CLTC: variants seen among roughly 807,000 people sequenced by gnomAD.
CLTC encodes clathrin heavy chain 1.
A neutral mutation model predicts 195.8 loss-of-function variants in CLTC; 16 were observed. The ratio of observed to expected loss-of-function variants is 0.08; its 90% CI spans 0.06 to 0.12. The LOEUF is 0.12. Among genes scored for constraint, CLTC ranks in the 10% least tolerant of loss-of-function variants. The probability of loss-of-function intolerance (pLI) is 1.00; values close to 1 mark genes in which losing one functional copy is unlikely to be tolerated. For missense variants in CLTC, 796 were observed against 2,027.0 expected (o/e 0.39, Z 11.66); for synonymous variants, 667 against 689.4 (o/e 0.97, Z 0.51).
At position 59,695,842 on chromosome 17, in the gene CLTC, AAAT is replaced by A. The variant is rs10538688; in HGVS notation, c.*1998_*2000del. ...GCAAATATCAACACAGAGAAAAAAA[AAAT>A]AATAATAGTATTATGAAAACATTGA... On this transcript the variant is annotated 3_prime_UTR_variant, in exon 32 of 32. Transcript: ENST00000269122. 0.81 allele frequency: 148,405 copies of A among 182,190 alleles called. 60,508 individuals carry two copies. Among genetic ancestry groups the A allele is most frequent in the South Asian group, 0.93 (4,703 of 5,052 alleles). 11.3% of individuals were successfully genotyped at this position (182,190 alleles called of 1,614,324 possible). A position where few individuals can be genotyped will look rare whatever the true frequency, so the allele number is the denominator to read the frequency against.
At chr17:59,625,388 G>A (rs1434227689) in intron 1 of CLTC, among the ~76,000 whole-genome samples, 1 of 152,086 alleles carries the variant, frequency 6.6e-6, no homozygotes, top group Non-Finnish European at 1.5e-5. Context: ...GCCTCCCGAA[G>A]TGTTAGGATT....
intron 1 of CLTC, among the ~76,000 whole-genome samples, chr17:59,631,050 AT>A (rs2031699716): frequency 6.6e-6 from 1 of 152,202 alleles, no homozygotes; most frequent in Non-Finnish European, 1.5e-5. Context: ...TTTTCTTCAC[AT>A]CTTCTGACAG....
At chr17:59,630,026 C>A (rs180869357) in intron 1 of CLTC, among the ~76,000 whole-genome samples, 1 of 151,754 alleles carries the variant, frequency 6.6e-6, no homozygotes, top group African/African-American at 2.4e-5. Context: ...TTTTTTGAGA[C>A]AGGGTCTTGC....
At chr17:59,633,863 CTGGTTACATTCAT>C (rs1189367749) in intron 1 of CLTC, among the ~76,000 whole-genome samples, 2 of 152,136 alleles carry the variant, frequency 1.3e-5, no homozygotes, top group African/African-American at 4.8e-5. Context: ...TAATGTCTCC[CTGGTTACATTCAT>C]TTATAACATC....
chr17:59,670,769 G>A (rs538635633), intron 14 of CLTC, among the ~76,000 whole-genome samples: 1 of 152,058 alleles, frequency 6.6e-6, no homozygotes, highest in South Asian at 2.1e-4. Flanking sequence ...CAATCCTCTG[G>A]GTACTAGGAT....
At chr17:59,668,058 A>G (rs1219987265) in intron 13 of CLTC, among the ~76,000 whole-genome samples, 4 of 152,200 alleles carry the variant, frequency 2.6e-5, no homozygotes, top group African/African-American at 7.2e-5. Flanking sequence ...TTTAATATTT[A>G]GTTATTCAGT....
At chr17:59,658,409 G>A (rs1293817037) in intron 6 of CLTC, among the ~76,000 whole-genome samples, 1 of 152,124 alleles carries the variant, frequency 6.6e-6, no homozygotes, top group Non-Finnish European at 1.5e-5. Context: ...CACATTCTTG[G>A]TGTTCATAAC....
At position 59,683,224 on chromosome 17, in the gene CLTC, C is replaced by G; in HGVS notation, c.4003C>G (p.His1335Asp). 1 of 1,614,082 alleles carries G rather than the reference C, an allele frequency of 6.2e-7. No individual in the cohort carries two copies. The highest frequency in any genetic ancestry group is 2.2e-5 in the East Asian group (1 of 44,882). ...SKFKPQKMRE[H>D]LELFWSRVNI... Reference sequence around the variant, plus strand: ...ATTTAAGCCTCAGAAAATGAGGGAGCACCTGGAGCTGTTCTGGTCTAGAGT... The same window carrying G: ...ATTTAAGCCTCAGAAAATGAGGGAGGACCTGGAGCTGTTCTGGTCTAGAGT... Residue 1335 changes from histidine to aspartate, a missense_variant, in exon 25 of 32, where the codon CAC becomes GAC. Coordinates refer to ENST00000269122, the MANE Select transcript of CLTC (RefSeq NM_004859.4). This position sits in a 1 kb window ranked among gnomAD's most constrained non-coding sequence, Gnocchi z 6.1.
At position 59,694,066 on chromosome 17, in the gene CLTC, T is replaced by C. The variant is rs1598252212; in HGVS notation, c.*214T>C. 2.5e-6 allele frequency: 1 copy of C among 402,316 alleles called. No homozygotes were observed. Among genetic ancestry groups the C allele is most frequent in the East Asian group, 4.5e-5 (1 of 22,086 alleles). 24.9% of individuals were successfully genotyped at this position (402,316 alleles called of 1,614,324 possible). ...TTTAGAATTTATTTTCGAAGGGGAA[T>C]AGTTTCAATGTTTTATTCACTTGGG... On this transcript the variant is annotated 3_prime_UTR_variant, in exon 32 of 32. Coordinates refer to ENST00000269122, the MANE Select transcript of CLTC (RefSeq NM_004859.4).
At chr17:59,635,746 C>T (rs1461307978) in intron 1 of CLTC, among the ~76,000 whole-genome samples, 1 of 152,128 alleles carries the variant, frequency 6.6e-6, no homozygotes, top group African/African-American at 2.4e-5. Context: ...ATAGTTTGAT[C>T]ACTAATATAT....
At position 59,681,279 on chromosome 17, in the gene CLTC, C is replaced by A; in HGVS notation, c.3066-16C>A. On this transcript the variant is annotated splice_polypyrimidine_tract_variant and intron_variant, in intron 19 of 31. Coordinates refer to ENST00000269122, the MANE Select transcript of CLTC (RefSeq NM_004859.4). The surrounding 1 kb of genome is among the most constrained non-coding windows in gnomAD (Gnocchi z 5.0). ...CTTAAAATATTGCATTTAAAATATT[C>A]TTTTTTTTCTTAAAGGAATCTGCAA... is the stretch of plus-strand genomic sequence containing the variant. 1.9e-6 allele frequency: 3 copies of A among 1,581,412 alleles called. No individual in the cohort carries two copies. The highest frequency in any genetic ancestry group is 2.6e-6 in the Non-Finnish European group (3 of 1,162,916).
At chr17:59,644,539 G>GTTTTT (rs748545396) in intron 2 of CLTC, 56 bp downstream of exon 2, 83 of 1,136,760 alleles carry the variant, frequency 7.3e-5, no homozygotes, top group Middle Eastern at 6.1e-4. Flanking sequence ...GTTTTTTTTT[G>GTTTTT]TTTTTTTTTT....
Position 59,647,448 on chromosome 17 carries a change from G to T in CLTC, c.301G>T (p.Ala101Ser). The T allele has an allele frequency of 1.2e-6, 2 of 1,613,658 alleles. No individual in the cohort carries two copies. The highest frequency in any genetic ancestry group is 1.7e-6 in the Non-Finnish European group (2 of 1,179,624). Residue 101 changes from alanine (A) to serine (S), a missense_variant, in exon 3 of 32, where the codon GCT becomes TCT. Ala to Ser is a moderately conservative substitution (Grantham distance 99). Around this residue, in one of 9 missense-constraint regions of CLTC, gnomAD observed 293 missense variants for 795.6 expected, o/e 0.37. Transcript: ENST00000269122. ...CATTGAAATGAAAAGTAAAATGAAG[G>T]CTCATACCATGACTGATGATGTCAC... Reference protein sequence around the residue: ...FNIEMKSKMKAHTMTDDVTFW... With the variant: ...FNIEMKSKMKSHTMTDDVTFW...
chr17:59,691,000 A>T (rs1263014755), intron 31 of CLTC, among the ~76,000 whole-genome samples: 1 of 152,222 alleles, frequency 6.6e-6, no homozygotes, highest in Non-Finnish European at 1.5e-5. Context: ...AATTACTGAA[A>T]AAGAAATATT....
chr17:59,672,904 C>T (rs1192743740), intron 14 of CLTC, among the ~76,000 whole-genome samples: 1 of 152,064 alleles, frequency 6.6e-6, no homozygotes, highest in Non-Finnish European at 1.5e-5. Context: ...CTGATGGAAA[C>T]TGTTGTTTTT....
intron 9 of CLTC, 197 bp from the exon 10 acceptor site, chr17:59,664,590 G>T (rs936887346): frequency 1.8e-4 from 85 of 473,588 alleles, no homozygotes; most frequent in Non-Finnish European, 2.8e-4. Flanking sequence ...AAAGAAAATG[G>T]ATAAGCCAGT....
chr17:59,684,970 C>G, intron 28 of CLTC, 86 bp from the exon 29 acceptor site: 1 of 1,030,976 alleles, frequency 9.7e-7, no homozygotes, highest in Non-Finnish European at 1.3e-6. Flanking sequence ...TTACATGTTA[C>G]CATCTAAGGG....
intron 2 of CLTC, among the ~76,000 whole-genome samples, chr17:59,645,353 GACTA>G (rs1007723760): frequency 6.6e-6 from 1 of 152,124 alleles, no homozygotes; most frequent in Non-Finnish European, 1.5e-5. Context: ...AGTTTATTCA[GACTA>G]ACTTTTTAAT....
At chr17:59,687,441 T>G (rs1473881713) in intron 30 of CLTC, among the ~76,000 whole-genome samples, 1 of 151,954 alleles carries the variant, frequency 6.6e-6, no homozygotes, top group African/African-American at 2.4e-5. Flanking sequence ...CTGACAGTTG[T>G]CGAATTTATA....
Sources: allele counts gnomAD v4.1 joint callset (sites outside exome capture counted in the v4.1 genomes callset), GRCh38; gene constraint gnomAD v4.1.1; regional missense constraint gnomAD v4.1.1; non-coding constraint Gnocchi (gnomAD v3.1); transcripts MANE v1.5; gene names NCBI Gene and HGNC (gene_info 2026-07-23, HGNC 2026-07-21).